ERI1: variants seen among roughly 807,000 people sequenced by gnomAD.
The protein encoded by ERI1 is 3'-5' exoribonuclease 1.
ERI1 carries 39 observed loss-of-function variants against 39.7 expected under a neutral mutation model. The ratio of observed to expected loss-of-function variants is 0.98; its 90% CI spans 0.76 to 1.28. The LOEUF is 1.28. ERI1 is among the 50% of genes most tolerant of loss of function. The probability of loss-of-function intolerance (pLI) is 0.00; values close to 1 mark genes in which losing one functional copy is unlikely to be tolerated. For missense variants in ERI1, 581 were observed against 416.9 expected (o/e 1.39, Z -3.43); for synonymous variants, 204 against 149.6 (o/e 1.36, Z -2.65).
At chr8:9,091,079 C>T (rs747762270) in intron 3 of ERI1, among the ~76,000 whole-genome samples, 12 of 152,016 alleles carry the variant, frequency 7.9e-5, no homozygotes, top group Non-Finnish European at 1.6e-4. Context: ...ATATATGTTC[C>T]CCTATTTTAT....
At chr8:9,005,163 A>T (rs1815850528) in intron 1 of ERI1, among the ~76,000 whole-genome samples, 1 of 152,182 alleles carries the variant, frequency 6.6e-6, no homozygotes, top group South Asian at 2.1e-4. Context: ...AACGTCAATC[A>T]AGAAAAATTC....
intron 3 of ERI1, among the ~76,000 whole-genome samples, chr8:9,014,410 C>T (rs1563316715): frequency 6.6e-6 from 1 of 152,172 alleles, no homozygotes; most frequent in South Asian, 2.1e-4. Context: ...GTTTCTGACC[C>T]CCCTTACTGC....
chr8:9,016,620 G>A (rs532999297), intron 4 of ERI1, among the ~76,000 whole-genome samples: 5 of 151,540 alleles, frequency 3.3e-5, no homozygotes, highest in South Asian at 4.2e-4. Context: ...GAGTTGTAGT[G>A]GTGAATCGAA....
intron 3 of ERI1, among the ~76,000 whole-genome samples, chr8:9,075,956 C>G (rs943220068): frequency 1.3e-5 from 2 of 151,816 alleles, no homozygotes; most frequent in African/African-American, 4.8e-5. Context: ...GAGACAGGGT[C>G]TCATTGTGTC....
intron 3 of ERI1, among the ~76,000 whole-genome samples, chr8:9,062,447 A>C (rs190355917): frequency 5.1e-4 from 77 of 151,378 alleles, no homozygotes; most frequent in African/African-American, 1.8e-3. Context: ...ATAACTAAAA[A>C]AGAGTGCAAA....
chr8:9,027,317 G>C (rs557212987), intron 6 of ERI1, among the ~76,000 whole-genome samples: 4 of 152,056 alleles, frequency 2.6e-5, no homozygotes, highest in Admixed American at 6.6e-5. Flanking sequence ...TGTCTATTCA[G>C]ATTCTTTCCT....
At chr8:9,022,268 C>T (rs567137471) in intron 6 of ERI1, among the ~76,000 whole-genome samples, 2 of 152,162 alleles carry the variant, frequency 1.3e-5, no homozygotes, top group East Asian at 3.9e-4. Context: ...ATTTAAATTT[C>T]TGACTGTTTT....
intron 3 of ERI1, among the ~76,000 whole-genome samples, chr8:9,078,117 G>C (rs1310985296): frequency 6.6e-6 from 1 of 152,158 alleles, no homozygotes; most frequent in Non-Finnish European, 1.5e-5. Flanking sequence ...AGCCTCCCGA[G>C]TAGCTGGGAC....
chr8:9,088,459 G>A (rs914526485), intron 3 of ERI1: 1 of 152,204 alleles, frequency 6.6e-6, no homozygotes, highest in African/African-American at 2.4e-5. Flanking sequence ...TATCATTAAA[G>A]AGAAAGAGGA....
intron 3 of ERI1, among the ~76,000 whole-genome samples, chr8:9,070,677 C>G (rs564842286): frequency 6.6e-5 from 10 of 152,196 alleles, no homozygotes; most frequent in African/African-American, 2.2e-4. Flanking sequence ...AGTCCACTTA[C>G]GCAGTGGAGT....
At chr8:9,053,798 C>A (rs3989373) in intron 3 of ERI1, among the ~76,000 whole-genome samples, 69,277 of 152,032 alleles carry the variant, frequency 0.46, 17,315 homozygotes, top group African/African-American at 0.63. Flanking sequence ...TGTTGAAACC[C>A]TAAGAACTTT....
intron 4 of ERI1, 148 bp from the exon 5 acceptor site, chr8:9,018,149 T>C (rs893534821): frequency 7.7e-6 from 4 of 520,780 alleles, no homozygotes; most frequent in Non-Finnish European, 1.4e-5. Flanking sequence ...AATGAAACTT[T>C]AGGTGGAGCT....
chr8:9,059,550 T>C (rs1243586626), intron 3 of ERI1, among the ~76,000 whole-genome samples: 1 of 152,036 alleles, frequency 6.6e-6, no homozygotes, highest in African/African-American at 2.4e-5. Flanking sequence ...TATAGAATTA[T>C]TGATGATGGC....
intron 3 of ERI1, among the ~76,000 whole-genome samples, chr8:9,052,762 T>G (rs182370275): frequency 6.6e-6 from 1 of 152,350 alleles, no homozygotes; most frequent in Admixed American, 6.5e-5. Context: ...TCAAAGACCC[T>G]TGGAAATTTC....
intron 3 of ERI1, among the ~76,000 whole-genome samples, chr8:9,077,037 A>G (rs560459981): frequency 3.3e-5 from 5 of 152,376 alleles, no homozygotes; most frequent in Admixed American, 6.5e-5. Context: ...TCCCCTTCCA[A>G]TGTACCTCAT....
Position 9,020,378 on chromosome 8 carries a change from A to T in ERI1, c.721A>T (p.Ile241Phe), listed in dbSNP as rs1817750046. Residue 241 changes from isoleucine to phenylalanine, a missense_variant, in exon 6 of 7, where the codon ATT (isoleucine) becomes TTT (phenylalanine). Physicochemically the swap from Ile to Phe is conservative, Grantham distance 21. Transcript: ENST00000250263. ...GSWDMSKFLN[I>F]QCQLSRLKYP... ...TTGGGATATGAGTAAGTTCTTGAAC[A>T]TTCAGTGTCAACTCAGCAGGCTCAA... The T allele has an allele frequency of 6.3e-7, 1 of 1,598,752 alleles. No individual in the cohort carries two copies. The highest frequency in any genetic ancestry group is 1.7e-5 in the Admixed American group (1 of 57,152).
At chr8:9,004,127 T>C (rs1296172014) in intron 1 of ERI1, 2 of 1,289,234 alleles carry the variant, frequency 1.6e-6, no homozygotes, top group Admixed American at 2.3e-5. Flanking sequence ...TCGTTAAGGA[T>C]CTCTGTATGT....
At chr8:9,088,789 C>G (rs766799604) in intron 3 of ERI1, among the ~76,000 whole-genome samples, 1 of 152,202 alleles carries the variant, frequency 6.6e-6, no homozygotes, top group Admixed American at 6.5e-5. Context: ...TGCTCACATG[C>G]ACGTCATTGC....
At chr8:9,053,626 TC>T (rs1433720541) in intron 3 of ERI1, among the ~76,000 whole-genome samples, 1 of 152,206 alleles carries the variant, frequency 6.6e-6, no homozygotes, top group Non-Finnish European at 1.5e-5. Context: ...TCATGGAAAC[TC>T]CTCAATTTAT....
Sources: gnomAD v4.1 joint callset for allele counts (sites outside exome capture counted in the v4.1 genomes callset) on GRCh38, gnomAD v4.1.1 for gene constraint, MANE v1.5 for transcripts, NCBI Gene and HGNC (gene_info 2026-07-23, HGNC 2026-07-21) for gene names.